The following STAM variants were observed in gnomAD, a reference collection of about 807,000 sequenced individuals.
STAM encodes the protein signal transducing adapter molecule 1.
In STAM, 16 loss-of-function variants were observed where a neutral mutation model predicts 63.4. That is an observed-to-expected ratio of 0.25 (90% CI 0.17 to 0.38). The LOEUF (loss-of-function observed/expected upper bound fraction) is 0.38. Among genes scored for constraint, STAM ranks in the 10% least tolerant of loss-of-function variants. The probability of loss-of-function intolerance (pLI) is 1.00; values close to 1 mark genes in which losing one functional copy is unlikely to be tolerated. For missense variants in STAM, 636 were observed against 657.1 expected (o/e 0.97, Z 0.35); for synonymous variants, 238 against 223.9 (o/e 1.06, Z -0.56).
At chr10:17,669,438 G>A (rs4400696) in intron 2 of STAM, among the ~76,000 whole-genome samples, 93,280 of 150,184 alleles carry the variant, frequency 0.62, 30,020 homozygotes, top group African/African-American at 0.8. Context: ...AATTGAGTTG[G>A]CTGGGTTAAA....
intron 1 of STAM, among the ~76,000 whole-genome samples, chr10:17,656,795 A>G (rs549062667): frequency 3.9e-5 from 6 of 152,336 alleles, no homozygotes; most frequent in African/African-American, 1.4e-4. Flanking sequence ...AGATGAAGCA[A>G]GTTTCAGAGC....
intron 5 of STAM, among the ~76,000 whole-genome samples, chr10:17,690,895 T>G (rs557477935): frequency 6.6e-6 from 1 of 152,190 alleles, no homozygotes; most frequent in Non-Finnish European, 1.5e-5. Flanking sequence ...ATTTAGAACC[T>G]GATGATAGAA....
chr10:17,681,892 A>T (rs192398639), intron 2 of STAM, among the ~76,000 whole-genome samples: 1 of 152,342 alleles, frequency 6.6e-6, no homozygotes, highest in South Asian at 2.1e-4. Flanking sequence ...GCCTAAGCAC[A>T]TGATGTTTCG....
chr10:17,658,149 C>T (rs1392587094), intron 1 of STAM, among the ~76,000 whole-genome samples: 6 of 151,690 alleles, frequency 4.0e-5, no homozygotes, highest in South Asian at 2.1e-4. Flanking sequence ...ACAAATTTTG[C>T]GAAGTTGTAT....
chr10:17,686,811 T>C (rs1220620416), intron 4 of STAM, among the ~76,000 whole-genome samples: 1 of 152,248 alleles, frequency 6.6e-6, no homozygotes, highest in Non-Finnish European at 1.5e-5. Context: ...GAAAGAATTT[T>C]TTTTCTTCTA....
At chr10:17,659,463 C>CTTTTTTTTTTTTT (rs1223509007) in intron 1 of STAM, among the ~76,000 whole-genome samples, 2 of 107,520 alleles carry the variant, frequency 1.9e-5, no homozygotes, top group African/African-American at 7.3e-5. Flanking sequence ...TTCTCTTCCT[C>CTTTTTTTTTTTTT]TTTTTTTTTT....
At chr10:17,687,930 C>G in intron 4 of STAM, 97 bp from the exon 5 acceptor site, 2 of 1,082,744 alleles carry the variant, frequency 1.8e-6, no homozygotes, top group Non-Finnish European at 2.5e-6. Flanking sequence ...ACTTGTGATT[C>G]AAAAAACATC....
intron 8 of STAM, 107 bp downstream of exon 8, chr10:17,696,976 G>A (rs1554827623): frequency 1.3e-5 from 11 of 827,952 alleles, no homozygotes; most frequent in Non-Finnish European, 2.2e-5. Flanking sequence ...CTGGAGTGCA[G>A]TGGTGCGAGC....
At chr10:17,644,497 T>C in intron 1 of STAM, 118 bp downstream of exon 1, 1 of 1,213,388 alleles carries the variant, frequency 8.2e-7, no homozygotes, top group Middle Eastern at 1.9e-4. Flanking sequence ...CTCTTCCCCT[T>C]TCCTGAGGCT....
chr10:17,659,263 G>A (rs569655742), intron 1 of STAM, among the ~76,000 whole-genome samples: 18 of 151,504 alleles, frequency 1.2e-4, no homozygotes, highest in Non-Finnish European at 2.2e-4. Flanking sequence ...CCCATCCCTT[G>A]CGTCATTGCT....
intron 2 of STAM, among the ~76,000 whole-genome samples, chr10:17,667,331 G>T (rs1554823550): frequency 6.6e-6 from 1 of 152,044 alleles, no homozygotes. Context: ...CAACGTATTG[G>T]TCAGGTGGCC....
At chr10:17,676,760 A>ATTTG (rs1834873943) in intron 2 of STAM, among the ~76,000 whole-genome samples, 1 of 152,180 alleles carries the variant, frequency 6.6e-6, no homozygotes, top group South Asian at 2.1e-4. Context: ...CATGCTTGTA[A>ATTTG]TCAACTTTCA....
In STAM at chr10:17,661,796, G is replaced by T. The variant is rs1248935829; in HGVS notation, c.125+1248G>T. 3.3e-5 allele frequency among the ~76,000 whole-genome samples: 5 copies of T among 152,144 alleles called. 1 individual carries two copies. Among genetic ancestry groups the T allele is most frequent in the Admixed American group, 2.6e-4 (4 of 15,278 alleles). On this transcript the variant is annotated intron_variant, in intron 2 of 13. Coordinates refer to ENST00000377524, the MANE Select transcript of STAM (RefSeq NM_003473.4). ...AAGTTTTTGAGCATAGCCAAATGGTGCAGAGGCAGTTTTCTTCAGGGGCTG... is the reference window on the plus strand; with the variant it reads ...AAGTTTTTGAGCATAGCCAAATGGTTCAGAGGCAGTTTTCTTCAGGGGCTG...
At chr10:17,659,890 G>A (rs563083057) in intron 1 of STAM, among the ~76,000 whole-genome samples, 3 of 152,160 alleles carry the variant, frequency 2.0e-5, no homozygotes, top group South Asian at 2.1e-4. Flanking sequence ...CTCAATTTTT[G>A]TTGAGAAAGT....
chr10:17,693,599 A>G (rs1316283608), intron 6 of STAM, among the ~76,000 whole-genome samples: 1 of 152,164 alleles, frequency 6.6e-6, no homozygotes, highest in Non-Finnish European at 1.5e-5. Context: ...GGGAAATGCC[A>G]TTTGCCACTT....
intron 2 of STAM, among the ~76,000 whole-genome samples, chr10:17,683,359 A>C (rs978610020): frequency 1.3e-5 from 2 of 152,170 alleles, no homozygotes; most frequent in Admixed American, 1.3e-4. Context: ...ATAGGGTTTC[A>C]CAGTGTTGCC....
At chr10:17,678,643 TTAC>T (rs1188872450) in intron 2 of STAM, among the ~76,000 whole-genome samples, 1 of 152,196 alleles carries the variant, frequency 6.6e-6, no homozygotes, top group African/African-American at 2.4e-5. Flanking sequence ...AACATAAAGT[TTAC>T]TATTTAAATC....
chr10:17,702,145 C>G (rs1836026399), intron 9 of STAM, among the ~76,000 whole-genome samples: 1 of 152,068 alleles, frequency 6.6e-6, no homozygotes, highest in African/African-American at 2.4e-5. Context: ...GCTCATTTTA[C>G]TTTTCAAAAC....
At chr10:17,677,023 G>T (rs1390789744) in intron 2 of STAM, among the ~76,000 whole-genome samples, 4 of 152,150 alleles carry the variant, frequency 2.6e-5, no homozygotes, top group African/African-American at 9.7e-5. Context: ...AGACAGTTCT[G>T]AAGGGATTTT....
Sources: allele counts gnomAD v4.1 joint callset (sites outside exome capture counted in the v4.1 genomes callset), GRCh38; gene constraint gnomAD v4.1.1; transcripts MANE v1.5; gene names NCBI Gene and HGNC (gene_info 2026-07-23, HGNC 2026-07-21).